LIPA: variants seen among roughly 807,000 people sequenced by gnomAD.
LIPA encodes lipase A, lysosomal acid type, also known as lysosomal acid lipase/cholesteryl ester hydrolase.
Under a neutral mutation model 40.6 loss-of-function variants are expected in LIPA, and 26 were observed. That is an observed-to-expected ratio of 0.64 (90% confidence interval 0.47 to 0.89). The LOEUF is 0.89. LIPA is among the 40% of genes least tolerant of loss of function. The pLI is 0.00. For missense variants in LIPA, 455 were observed against 479.6 expected (o/e 0.95, Z 0.48); for synonymous variants, 188 against 168.4 (o/e 1.12, Z -0.90).
intron 2 of LIPA, chr10:89,383,821 G>A (rs1291569355): frequency 6.2e-7 from 1 of 1,614,210 alleles, no homozygotes; most frequent in East Asian, 2.2e-5. Flanking sequence ...GGCTCTGGAA[G>A]GGAACCCTGA....
chr10:89,343,982 T>G (rs2133581566), upstream of LIPA, among the ~76,000 whole-genome samples: 1 of 152,334 alleles, frequency 6.6e-6, no homozygotes. Context: ...GGCTTTGGGT[T>G]TAGACCTATT....
At chr10:89,373,209 C>T (rs1285790778) in intron 2 of LIPA, among the ~76,000 whole-genome samples, 2 of 151,836 alleles carry the variant, frequency 1.3e-5, no homozygotes, top group Non-Finnish European at 2.9e-5. Flanking sequence ...GTGGTGGGTG[C>T]CTGTAATCCC....
intron 1 of LIPA, chr10:89,339,702 TAAGG>T: frequency 6.2e-7 from 1 of 1,614,168 alleles, no homozygotes; most frequent in Non-Finnish European, 8.5e-7. Flanking sequence ...CACCATTCAA[TAAGG>T]AAGTCCCTGA....
At chr10:89,290,328 C>T (rs1038632348) in intron 1 of LIPA, among the ~76,000 whole-genome samples, 8 of 152,134 alleles carry the variant, frequency 5.3e-5, no homozygotes, top group African/African-American at 1.9e-4. Context: ...TCTAACAACC[C>T]CACAGTATCA....
At chr10:89,398,319 G>C (rs1036044792) in intron 2 of LIPA, among the ~76,000 whole-genome samples, 2 of 152,202 alleles carry the variant, frequency 1.3e-5, no homozygotes, top group Non-Finnish European at 2.9e-5. Flanking sequence ...CCACATGCGT[G>C]ATGTTCCCTG....
chr10:89,391,358 C>A (rs910527998), intron 2 of LIPA, among the ~76,000 whole-genome samples: 1 of 151,780 alleles, frequency 6.6e-6, no homozygotes, highest in Non-Finnish European at 1.5e-5. Context: ...AGACCACAGA[C>A]ACACACCACC....
upstream of LIPA, among the ~76,000 whole-genome samples, chr10:89,256,062 C>T (rs1415273875): frequency 6.6e-6 from 1 of 152,206 alleles, no homozygotes; most frequent in African/African-American, 2.4e-5. Context: ...AATAGCTGGA[C>T]CTCCCCTTCT....
intron 2 of LIPA, among the ~76,000 whole-genome samples, chr10:89,379,247 T>C (rs1844143933): frequency 6.6e-6 from 1 of 152,200 alleles, no homozygotes; most frequent in Admixed American, 6.5e-5. Flanking sequence ...GTCCCCTGAC[T>C]AGCAACATCA....
Position 89,299,539 on chromosome 10 carries a change from T to G in LIPA, c.-2+43072A>C, listed in dbSNP as rs541637712. Among the ~76,000 whole-genome samples, 5 of 152,230 alleles carry G rather than the reference T, an allele frequency of 3.3e-5. No homozygotes were observed. The East Asian group carries it at 9.6e-4, about 29-fold the overall frequency. On this transcript the variant is annotated intron_variant, in intron 1 of 5. Coordinates refer to the LIPA transcript ENST00000282673. ...TCAGATACAGTGAAAAACGTTCTTC[T>G]CCATGGCGCATTATAGTCAAACTAT... is the stretch of plus-strand genomic sequence containing the variant.
chr10:89,301,900 G>A, intron 1 of LIPA: 1 of 491,254 alleles, frequency 2.0e-6, no homozygotes, highest in Non-Finnish European at 3.7e-6. Context: ...GTCCTCTAAA[G>A]TATAATAAAA....
intron 2 of LIPA, among the ~76,000 whole-genome samples, chr10:89,394,600 A>T (rs1343815005): frequency 0.011 from 315 of 28,076 alleles, 14 homozygotes; most frequent in African/African-American, 0.092. Flanking sequence ...ATATATATAT[A>T]TATATATATA....
chr10:89,337,887 G>T (rs1843770217), intron 1 of LIPA, among the ~76,000 whole-genome samples: 1 of 152,168 alleles, frequency 6.6e-6, no homozygotes, highest in African/African-American at 2.4e-5. Context: ...TTCCAACCTT[G>T]TGATGGTACA....
chr10:89,354,637 G>A (rs774134894), intron 2 of LIPA, among the ~76,000 whole-genome samples: 38 of 152,108 alleles, frequency 2.5e-4, no homozygotes, highest in Non-Finnish European at 3.4e-4. Flanking sequence ...GTGCAATCTC[G>A]GCTCAATGCA....
At position 89,221,372 on chromosome 10, in the gene LIPA, G is replaced by A. The variant is rs537650678; in HGVS notation, c.894+1139C>T. On this transcript the variant is annotated intron_variant, in intron 8 of 9. Coordinates refer to ENST00000336233, the MANE Select transcript of LIPA (RefSeq NM_000235.4). ...CCATCTCAAAAAAATAAAATAAAACGAAAAAATAAAAGTACAGATTCTCTA... is the reference window on the plus strand; with the variant it reads ...CCATCTCAAAAAAATAAAATAAAACAAAAAAATAAAAGTACAGATTCTCTA... Among the ~76,000 whole-genome samples the A allele has an allele frequency of 1.3e-4, 19 of 151,984 alleles. No individual in the cohort carries two copies. In the South Asian group the frequency reaches 2.3e-3, roughly 18 times the overall value.
At position 89,365,728 on chromosome 10, in the gene LIPA, T is replaced by G. The variant is rs60490622; in HGVS notation, c.61+47063A>C. Among the ~76,000 whole-genome samples, 1,420 of 152,276 alleles carry G rather than the reference T, an allele frequency of 9.3e-3. 20 individuals are homozygous for G. The highest frequency in any genetic ancestry group is 0.033 in the African/African-American group (1,363 of 41,532). ...AGGGAATCCTTTCCCCATTGCTTGTTTTTGTCAGGTTTGTCAAAGATCAGA... is the reference window on the plus strand; with the variant it reads ...AGGGAATCCTTTCCCCATTGCTTGTGTTTGTCAGGTTTGTCAAAGATCAGA... On this transcript the variant is annotated intron_variant, in intron 2 of 8. Transcript: ENST00000371837.
chr10:89,233,022 C>T (rs536013550), intron 3 of LIPA, among the ~76,000 whole-genome samples: 3 of 152,302 alleles, frequency 2.0e-5, no homozygotes, highest in African/African-American at 4.8e-5. Flanking sequence ...TACCCTTGTT[C>T]CACCCAGACC....
At chr10:89,354,086 C>T (rs1259512439) in intron 2 of LIPA, among the ~76,000 whole-genome samples, 3 of 152,192 alleles carry the variant, frequency 2.0e-5, no homozygotes, top group African/African-American at 4.8e-5. Context: ...TTTCTTTCTT[C>T]TAAGGAGGCA....
intron 8 of LIPA, among the ~76,000 whole-genome samples, chr10:89,220,045 A>G (rs1306769101): frequency 1.3e-5 from 2 of 152,220 alleles, no homozygotes; most frequent in Non-Finnish European, 2.9e-5. Context: ...CCTAGATGAT[A>G]GCCGATCCAA....
chr10:89,287,391 C>T (rs961064385), intron 1 of LIPA, among the ~76,000 whole-genome samples: 28 of 152,202 alleles, frequency 1.8e-4, no homozygotes, highest in Non-Finnish European at 4.4e-5. Flanking sequence ...CTGATGCCAA[C>T]TTGGACAACA....
Sources: gnomAD v4.1 joint callset for allele counts (sites outside exome capture counted in the v4.1 genomes callset) on GRCh38, gnomAD v4.1.1 for gene constraint, MANE v1.5 for transcripts, NCBI Gene and HGNC (gene_info 2026-07-23, HGNC 2026-07-21) for gene names.